Variants in LARGE1 observed in about 807,000 individuals in gnomAD.
The protein encoded by LARGE1 is LARGE xylosyl- and glucuronyltransferase 1, also known as xylosyl- and glucuronyltransferase LARGE1.
LARGE1 carries 43 observed loss-of-function variants against 87.6 expected under a neutral mutation model. The ratio of observed to expected loss-of-function variants is 0.49; its 90% CI spans 0.38 to 0.63. The LOEUF is 0.63. Ranked by LOEUF, LARGE1 falls within the 30% of genes least tolerant of loss-of-function variation. The probability of loss-of-function intolerance (pLI) is 0.00; values close to 1 mark genes in which losing one functional copy is unlikely to be tolerated. For missense variants in LARGE1, 802 were observed against 1,000.2 expected, an observed-to-expected ratio of 0.80 and a Z score of 2.67; for synonymous variants, 434 against 394.6, an observed-to-expected ratio of 1.10 and a Z score of -1.18.
chr22:33,222,939 C>T (rs560806337), intron 11 of LARGE1, among the ~76,000 whole-genome samples: 1 of 152,290 alleles, frequency 6.6e-6, no homozygotes, highest in South Asian at 2.1e-4. Context: ...CAGGCCCCCC[C>T]AGTCTCCCCT....
chr22:33,216,608 A>AG (rs920670231), intron 11 of LARGE1, among the ~76,000 whole-genome samples: 4 of 150,200 alleles, frequency 2.7e-5, no homozygotes, highest in Non-Finnish European at 4.4e-5. Flanking sequence ...AAAAAAAAAA[A>AG]AAAAGAAAAG....
chr22:33,498,374 T>G (rs2070253201), intron 6 of LARGE1, among the ~76,000 whole-genome samples: 1 of 152,180 alleles, frequency 6.6e-6, no homozygotes, highest in Admixed American at 6.5e-5. Context: ...CTACAACTTT[T>G]TAGAATGACT....
chr22:33,460,441 C>A (rs1377838089), intron 6 of LARGE1, among the ~76,000 whole-genome samples: 3 of 152,036 alleles, frequency 2.0e-5, no homozygotes, highest in African/African-American at 7.2e-5. Context: ...AAAAATAAAT[C>A]ATGGAAAACA....
intron 7 of LARGE1, 150 bp downstream of exon 7, chr22:33,432,011 G>A (rs888864766): frequency 2.7e-5 from 19 of 702,910 alleles, no homozygotes; most frequent in Non-Finnish European, 4.1e-5. Flanking sequence ...GAAGGAACTG[G>A]AATGCAAACT....
intron 2 of LARGE1, chr22:33,744,336 G>A (rs1381593146): frequency 1.3e-5 from 2 of 152,204 alleles, no homozygotes; most frequent in African/African-American, 4.8e-5. Context: ...CTGGTAAGTG[G>A]AACAGACAGG....
chr22:33,865,602 C>G (rs1007354170), intron 1 of LARGE1, among the ~76,000 whole-genome samples: 10 of 151,916 alleles, frequency 6.6e-5, no homozygotes, highest in Non-Finnish European at 1.3e-4. Flanking sequence ...CCTTGCTGTA[C>G]GCAGGGAAAA....
chr22:33,196,731 G>A (rs755117616), intron 11 of LARGE1, among the ~76,000 whole-genome samples: 1 of 151,730 alleles, frequency 6.6e-6, no homozygotes, highest in Non-Finnish European at 1.5e-5. Flanking sequence ...AGGGAGAGAG[G>A]AAACGAAGAA....
At chr22:33,453,905 A>T (rs1420437759) in intron 6 of LARGE1, among the ~76,000 whole-genome samples, 2 of 142,634 alleles carry the variant, frequency 1.4e-5, no homozygotes. Context: ...TTGAATGTCT[A>T]ATCAATACAC....
chr22:33,381,847 C>T, intron 9 of LARGE1, 72 bp downstream of exon 9: 2 of 1,580,180 alleles, frequency 1.3e-6, no homozygotes, highest in Non-Finnish European at 8.7e-7. Flanking sequence ...ATCTCCCAGC[C>T]ATCCATGCCC....
At chr22:33,356,556 G>T (rs964369426) in intron 9 of LARGE1, among the ~76,000 whole-genome samples, 1 of 152,184 alleles carries the variant, frequency 6.6e-6, no homozygotes, top group Admixed American at 6.5e-5. Flanking sequence ...CGGATCACTT[G>T]AAGTCAGGAG....
intron 1 of LARGE1, among the ~76,000 whole-genome samples, chr22:33,778,405 G>A (rs2085315132): frequency 6.6e-6 from 1 of 152,146 alleles, no homozygotes; most frequent in Non-Finnish European, 1.5e-5. Flanking sequence ...CATTCACGAT[G>A]TTGAGCAACC....
intron 6 of LARGE1, among the ~76,000 whole-genome samples, chr22:33,435,253 C>T (rs2067227023): frequency 6.6e-6 from 1 of 152,294 alleles, no homozygotes; most frequent in African/African-American, 2.4e-5. Context: ...CCTCCCACCG[C>T]AGCCTCCCAA....
At chr22:33,159,657 T>C (rs903971411), downstream of LARGE1, among the ~76,000 whole-genome samples, 3 of 151,176 alleles carry the variant, frequency 2.0e-5, no homozygotes, top group Non-Finnish European at 4.4e-5. Flanking sequence ...CAATCTCGGC[T>C]CACTGCAAGC....
At chr22:33,555,022 G>A (rs1321293496) in intron 6 of LARGE1, among the ~76,000 whole-genome samples, 1 of 151,992 alleles carries the variant, frequency 6.6e-6, no homozygotes, top group Non-Finnish European at 1.5e-5. Context: ...CAACCAACCT[G>A]GACTGAAAAT....
chr22:33,881,075 G>C (rs1041178408), intron 1 of LARGE1, among the ~76,000 whole-genome samples: 1 of 150,126 alleles, frequency 6.7e-6, no homozygotes, highest in African/African-American at 2.5e-5. Context: ...TTTTACTTTC[G>C]ATAAAGATGC....
At chr22:33,378,347 A>G (rs1190567343) in intron 9 of LARGE1, among the ~76,000 whole-genome samples, 1 of 152,202 alleles carries the variant, frequency 6.6e-6, no homozygotes, top group Non-Finnish European at 1.5e-5. Context: ...AGGATGAAAC[A>G]GACAACAACC....
chr22:33,880,623 AC>A lies in LARGE1; in HGVS notation c.-83+39371del, dbSNP rs1319479419. Among the ~76,000 whole-genome samples, 4 of 152,208 alleles carry A rather than the reference AC, an allele frequency of 2.6e-5. No homozygotes were observed. The East Asian group carries it at 7.7e-4, about 29-fold the overall frequency. On this transcript the variant is annotated intron_variant, in intron 1 of 14. Transcript: ENST00000397394. ...CTGGTCATTTCAGTGAAGCAGAGCCACCCCACACAAATGATGTGTTCTTTCC... is the reference window on the plus strand; with the variant it reads ...CTGGTCATTTCAGTGAAGCAGAGCCACCCACACAAATGATGTGTTCTTTCC...
At chr22:33,230,592 G>A (rs894925027) in intron 11 of LARGE1, among the ~76,000 whole-genome samples, 1 of 152,194 alleles carries the variant, frequency 6.6e-6, no homozygotes, top group Non-Finnish European at 1.5e-5. Context: ...CTGATTTTAG[G>A]TTCTTAATCT....
intron 5 of LARGE1, among the ~76,000 whole-genome samples, chr22:33,601,668 G>A (rs1057051602): frequency 6.6e-6 from 1 of 152,182 alleles, no homozygotes; most frequent in East Asian, 1.9e-4. Flanking sequence ...GAGAGAGACA[G>A]GTGGTTAATT....
Sources: allele counts gnomAD v4.1 joint callset (sites outside exome capture counted in the v4.1 genomes callset), GRCh38; gene constraint gnomAD v4.1.1; transcripts MANE v1.5; gene names NCBI Gene and HGNC (gene_info 2026-07-23, HGNC 2026-07-21).